VPS13B: variants seen among roughly 807,000 people sequenced by gnomAD.
VPS13B encodes the protein intermembrane lipid transfer protein VPS13B.
In VPS13B, 285 loss-of-function variants were observed where a neutral mutation model predicts 426.4. The observed-to-expected ratio is 0.67, with a 90% CI of 0.61 to 0.74. VPS13B has a LOEUF of 0.74. VPS13B is among the 30% of genes least tolerant of loss of function. The pLI is 0.00. For synonymous variants in VPS13B, 1,676 were observed against 1,676.4 expected (o/e 1.00, Z 0.01); for missense variants, 4,537 against 4,782.6 (o/e 0.95, Z 1.51).
Position 99,835,220 on chromosome 8 carries a change from A to T in VPS13B, c.9638A>T (p.Glu3213Val), listed in dbSNP as rs1815322871. 2 of 1,613,902 alleles carry T rather than the reference A, an allele frequency of 1.2e-6. No homozygotes were observed. Among genetic ancestry groups the T allele is most frequent in the Admixed American group, 1.7e-5 (1 of 60,006 alleles). The change falls in exon 53 of 62, where the codon GAA (glutamate) becomes GTA (valine). Residue 3213 changes from glutamate (E) to valine (V), a missense_variant. By Grantham distance (121) the Glu-to-Val change is moderately radical. Coordinates refer to ENST00000357162, the MANE Select transcript of VPS13B (RefSeq NM_152564.5). ...AGGGCTATAGTGCTGACATATCAAG[A>T]ACACCTCGGAGTGACTTATTTAACC... ...CTRAIVLTYQ[E>V]HLGVTYLTLS...
intron 58 of VPS13B, among the ~76,000 whole-genome samples, chr8:99,866,929 G>A (rs933994295): frequency 7.9e-5 from 12 of 152,202 alleles, no homozygotes; most frequent in Admixed American, 2.0e-4. Context: ...TGGGCCTGCC[G>A]GGAGCAGCTT....
At chr8:99,849,141 C>G (rs2130903322) in intron 55 of VPS13B, among the ~76,000 whole-genome samples, 1 of 152,304 alleles carries the variant, frequency 6.6e-6, no homozygotes, top group East Asian at 1.9e-4. Context: ...ACAAACTATG[C>G]ATCTTGGAAT....
At chr8:99,180,728 T>G (rs903282519) in intron 16 of VPS13B, among the ~76,000 whole-genome samples, 1 of 152,116 alleles carries the variant, frequency 6.6e-6, no homozygotes, top group African/African-American at 2.4e-5. Context: ...GAAGGACAGA[T>G]AGAAGTCAAG....
At chr8:99,297,216 C>T (rs1359705556) in intron 19 of VPS13B, among the ~76,000 whole-genome samples, 1 of 151,912 alleles carries the variant, frequency 6.6e-6, no homozygotes, top group Non-Finnish European at 1.5e-5. Context: ...TATATTGAAA[C>T]CAAGTGAAAG....
intron 29 of VPS13B, among the ~76,000 whole-genome samples, chr8:99,520,385 T>G (rs902674352): frequency 2.1e-5 from 3 of 143,476 alleles, no homozygotes; most frequent in African/African-American, 5.1e-5. Context: ...TAAAGTGATA[T>G]ACTTTGTGTG....
At chr8:99,072,147 C>T (rs1032688565) in intron 3 of VPS13B, among the ~76,000 whole-genome samples, 1 of 151,952 alleles carries the variant, frequency 6.6e-6, no homozygotes, top group Non-Finnish European at 1.5e-5. Context: ...GCAGGAGGAG[C>T]CTCTCCTTGT....
At chr8:99,765,644 G>T (rs140461863) in intron 39 of VPS13B, among the ~76,000 whole-genome samples, 1 of 152,228 alleles carries the variant, frequency 6.6e-6, no homozygotes, top group Non-Finnish European at 1.5e-5. Context: ...CCCCCAGGGG[G>T]ATGCTCTGCT....
chr8:99,114,345 A>G lies in VPS13B; in HGVS notation c.763-1355A>G, dbSNP rs146462993. ...TTAATTGCCGTTTATTAGTGAAGTT[A>G]GATTTTTGAAAACACATTCACTGGT... On this transcript the variant is annotated intron_variant, in intron 6 of 61. Coordinates refer to ENST00000357162, the MANE Select transcript of VPS13B (RefSeq NM_152564.5). Among the ~76,000 whole-genome samples the G allele has an allele frequency of 1.8e-3, 268 of 152,316 alleles. 1 individual carries two copies. The highest frequency in any genetic ancestry group is 6.3e-3 in the African/African-American group (262 of 41,584).
chr8:99,465,603 G>A (rs1819073984), intron 23 of VPS13B, among the ~76,000 whole-genome samples: 1 of 151,876 alleles, frequency 6.6e-6, no homozygotes, highest in Non-Finnish European at 1.5e-5. Flanking sequence ...AATAGGATTT[G>A]AAAAAATATA....
intron 33 of VPS13B, among the ~76,000 whole-genome samples, chr8:99,627,345 G>A (rs185877013): frequency 1.3e-5 from 2 of 152,152 alleles, no homozygotes; most frequent in Admixed American, 1.3e-4. Flanking sequence ...AGATAAATAA[G>A]CAAGATGATA....
At chr8:99,682,427 AT>A (rs1831192269) in intron 35 of VPS13B, among the ~76,000 whole-genome samples, 1 of 152,164 alleles carries the variant, frequency 6.6e-6, no homozygotes, top group Non-Finnish European at 1.5e-5. Flanking sequence ...ACTTTTTTAT[AT>A]TTTTTTGATA....
At chr8:99,202,637 A>G (rs1043166159) in intron 17 of VPS13B, among the ~76,000 whole-genome samples, 11 of 152,324 alleles carry the variant, frequency 7.2e-5, no homozygotes, top group Middle Eastern at 3.4e-3. Context: ...AGCTGGTACC[A>G]TTCCTTCTGA....
At chr8:99,142,938 A>G (rs1033685434) in intron 12 of VPS13B, 36 bp from the exon 13 acceptor site, 4 of 1,583,016 alleles carry the variant, frequency 2.5e-6, no homozygotes, top group South Asian at 1.1e-5. Flanking sequence ...GGTATATCCA[A>G]TTGATGCTTA....
chr8:99,151,509 G>A (rs1235693601), intron 14 of VPS13B, among the ~76,000 whole-genome samples: 26 of 151,696 alleles, frequency 1.7e-4, no homozygotes, highest in Admixed American at 1.7e-3. Flanking sequence ...TATCAAATTT[G>A]TAGGTATAGA....
At chr8:99,413,630 G>A (rs1815821748) in intron 21 of VPS13B, among the ~76,000 whole-genome samples, 1 of 152,064 alleles carries the variant, frequency 6.6e-6, no homozygotes. Context: ...GGTACATTGT[G>A]TCTTAGTTCT....
chr8:99,697,722 TG>T, intron 35 of VPS13B: 1 of 625,802 alleles, frequency 1.6e-6, no homozygotes. Context: ...GCCTGCAAGC[TG>T]GGCCTGGCCT....
At chr8:99,673,583 G>C (rs1348389162) in intron 35 of VPS13B, among the ~76,000 whole-genome samples, 1 of 151,556 alleles carries the variant, frequency 6.6e-6, no homozygotes, top group East Asian at 1.9e-4. Context: ...TATTATTTTT[G>C]TAGTCTCTAT....
chr8:99,271,993 T>C (rs1269837028), intron 17 of VPS13B, among the ~76,000 whole-genome samples: 1 of 152,174 alleles, frequency 6.6e-6, no homozygotes, highest in Non-Finnish European at 1.5e-5. Context: ...TGCAAATCAT[T>C]TAATGTGCTT....
chr8:99,342,769 G>T (rs1811322001), intron 19 of VPS13B, among the ~76,000 whole-genome samples: 1 of 152,106 alleles, frequency 6.6e-6, no homozygotes, highest in Non-Finnish European at 1.5e-5. Flanking sequence ...CCAGAAGTGG[G>T]ATTACTGAGC....
Sources: allele counts gnomAD v4.1 joint callset (sites outside exome capture counted in the v4.1 genomes callset), GRCh38; gene constraint gnomAD v4.1.1; transcripts MANE v1.5; gene names NCBI Gene and HGNC (gene_info 2026-07-23, HGNC 2026-07-21).